The following STX8 variants were observed in gnomAD, a reference collection of about 807,000 sequenced individuals.
STX8 encodes the protein syntaxin 8, also known as syntaxin-8.
STX8 carries 23 observed loss-of-function variants against 37.5 expected under a neutral mutation model. The observed-to-expected ratio is 0.61, with a 90% CI of 0.44 to 0.87. The LOEUF (loss-of-function observed/expected upper bound fraction) is 0.87. STX8 is among the 40% of genes least tolerant of loss of function. The pLI is 0.00. For synonymous variants in STX8, 115 were observed against 99.1 expected (o/e 1.16, Z -0.95); for missense variants, 313 against 284.7 (o/e 1.10, Z -0.71).
chr17:9,453,938 T>C (rs960962071), intron 6 of STX8, among the ~76,000 whole-genome samples: 15 of 152,106 alleles, frequency 9.9e-5, no homozygotes, highest in African/African-American at 2.2e-4. Context: ...TGGATGGCAA[T>C]TGAAGAAGAG....
chr17:9,265,466 T>C (rs1907202377), intron 7 of STX8, among the ~76,000 whole-genome samples: 1 of 152,246 alleles, frequency 6.6e-6, no homozygotes, highest in Non-Finnish European at 1.5e-5. Flanking sequence ...AAATGCACAT[T>C]GCCCCTGCCA....
chr17:9,429,628 A>G (rs1318331244), intron 6 of STX8, among the ~76,000 whole-genome samples: 2 of 134,096 alleles, frequency 1.5e-5, no homozygotes, highest in Non-Finnish European at 3.1e-5. Flanking sequence ...GCGTGAACCC[A>G]GGAGGCGGAG....
At chr17:9,496,097 CAG>C (rs1307679906) in intron 5 of STX8, among the ~76,000 whole-genome samples, 1 of 143,158 alleles carries the variant, frequency 7.0e-6, no homozygotes, top group African/African-American at 2.6e-5. Flanking sequence ...TTTTTTGAGA[CAG>C]AGTTTCGCTC....
intron 4 of STX8, among the ~76,000 whole-genome samples, chr17:9,538,099 A>G (rs1906132031): frequency 6.6e-6 from 1 of 152,202 alleles, no homozygotes; most frequent in African/African-American, 2.4e-5. Flanking sequence ...TTAAACTAGC[A>G]GGAAACTGTA....
At chr17:9,308,046 T>C in intron 7 of STX8, among the ~76,000 whole-genome samples, 1 of 152,136 alleles carries the variant, frequency 6.6e-6, no homozygotes, top group East Asian at 1.9e-4. Context: ...CAAAGTTGTA[T>C]ATGACGTGGG....
At chr17:9,340,649 A>ATTTTTTTTTTTTTTTTTTTTTTTTT (rs66679333) in intron 7 of STX8, among the ~76,000 whole-genome samples, 1 of 62,100 alleles carries the variant, frequency 1.6e-5, no homozygotes, top group Admixed American at 2.8e-4. Context: ...GTTGCACTTG[A>ATTTTTTTTTTTTTTTTTTTTTTTTT]TTTTTTTTTT....
At chr17:9,291,934 T>C (rs1028583668) in intron 7 of STX8, among the ~76,000 whole-genome samples, 8 of 152,236 alleles carry the variant, frequency 5.3e-5, no homozygotes, top group African/African-American at 1.9e-4. Flanking sequence ...CTTTTGTGTA[T>C]ATTTTGGTGT....
chr17:9,286,345 CA>C (rs1384759055), intron 7 of STX8, among the ~76,000 whole-genome samples: 4 of 152,192 alleles, frequency 2.6e-5, no homozygotes, highest in African/African-American at 4.8e-5. Flanking sequence ...ACAACACACA[CA>C]ATTATTTTGG....
At chr17:9,449,548 G>A (rs999067013) in intron 6 of STX8, among the ~76,000 whole-genome samples, 8 of 152,012 alleles carry the variant, frequency 5.3e-5, no homozygotes, top group East Asian at 1.9e-4. Context: ...GCGACAGAGC[G>A]AGACTCCGTC....
chr17:9,298,742 G>A (rs111500158), intron 7 of STX8, among the ~76,000 whole-genome samples: 1,988 of 152,202 alleles, frequency 0.013, 37 homozygotes, highest in African/African-American at 0.043. Flanking sequence ...AAACCAGAAG[G>A]CGGAGGTTGC....
chr17:9,559,083 A>G (rs1371906859), intron 2 of STX8, among the ~76,000 whole-genome samples: 1 of 152,188 alleles, frequency 6.6e-6, no homozygotes, highest in Non-Finnish European at 1.5e-5. Context: ...ACTAAATACA[A>G]ACATTGAAAC....
intron 6 of STX8, among the ~76,000 whole-genome samples, chr17:9,405,047 T>C (rs1466325017): frequency 6.6e-6 from 1 of 152,214 alleles, no homozygotes; most frequent in Non-Finnish European, 1.5e-5. Context: ...TTGTAAATCT[T>C]GTGAAGTCAT....
intron 6 of STX8, among the ~76,000 whole-genome samples, chr17:9,465,916 G>A (rs1905594011): frequency 6.6e-6 from 1 of 152,142 alleles, no homozygotes; most frequent in Admixed American, 6.5e-5. Context: ...AGAAAATGGA[G>A]GAAGTGGGTA....
At chr17:9,371,395 C>T (rs1911396031) in intron 7 of STX8, among the ~76,000 whole-genome samples, 1 of 152,150 alleles carries the variant, frequency 6.6e-6, no homozygotes, top group African/African-American at 2.4e-5. Flanking sequence ...TTAATTCCCA[C>T]CCCCTATAGT....
At chr17:9,549,261 T>C (rs2142578012) in intron 3 of STX8, among the ~76,000 whole-genome samples, 2 of 152,334 alleles carry the variant, frequency 1.3e-5, no homozygotes, top group Admixed American at 1.3e-4. Flanking sequence ...CAGCAGATAC[T>C]AGTTACAGAT....
intron 7 of STX8, among the ~76,000 whole-genome samples, chr17:9,319,246 TG>T (rs1217432886): frequency 6.6e-6 from 1 of 151,934 alleles, no homozygotes; most frequent in African/African-American, 2.4e-5. Context: ...AGTGAAACCC[TG>T]TCTCTACTAA....
At chr17:9,400,471 C>A (rs1421536653) in intron 6 of STX8, among the ~76,000 whole-genome samples, 1 of 150,960 alleles carries the variant, frequency 6.6e-6, no homozygotes, top group Non-Finnish European at 1.5e-5. Context: ...ATGGTGCAAT[C>A]TCGGCTCACT....
Position 9,491,730 on chromosome 17 carries a change from A to G in STX8, c.541+99T>C, listed in dbSNP as rs545982970. The G allele has an allele frequency of 3.7e-5, 38 of 1,031,982 alleles. No homozygotes were observed. In the East Asian group the frequency reaches 9.3e-4, roughly 25 times the overall value. 63.9% of individuals were successfully genotyped at this position (1,031,982 alleles called of 1,614,324 possible). ...CTGTAACAATCATTGACATTAAACC[A>G]CTTTACATGTTGTATAATCTTAAAC... On this transcript the variant is annotated intron_variant, in intron 6 of 7. Transcript: ENST00000306357.
chr17:9,327,578 T>G (rs1909820828), intron 7 of STX8, among the ~76,000 whole-genome samples: 1 of 152,010 alleles, frequency 6.6e-6, no homozygotes, highest in African/African-American at 2.4e-5. Context: ...TTCTTCCTGG[T>G]CTCTCTGTGT....
Sources: gnomAD v4.1 joint callset for allele counts (sites outside exome capture counted in the v4.1 genomes callset) on GRCh38, gnomAD v4.1.1 for gene constraint, MANE v1.5 for transcripts, NCBI Gene and HGNC (gene_info 2026-07-23, HGNC 2026-07-21) for gene names.